The following ANKRD12 variants were observed in gnomAD, a reference collection of about 807,000 sequenced individuals.
The protein encoded by ANKRD12 is ankyrin repeat domain-containing protein 12.
Under a neutral mutation model 183.4 loss-of-function variants are expected in ANKRD12, and 85 were observed. That is an observed-to-expected ratio of 0.46 (90% confidence interval 0.39 to 0.56). The LOEUF is 0.56. Ranked by LOEUF, ANKRD12 falls within the 20% of genes least tolerant of loss-of-function variation. The pLI is 0.00. For missense variants in ANKRD12, 2,405 were observed against 2,357.1 expected, an observed-to-expected ratio of 1.02 and a Z score of -0.42; for synonymous variants, 914 against 800.2, an observed-to-expected ratio of 1.14 and a Z score of -2.40.
chr18:9,201,582 A>G (rs1197404649), intron 3 of ANKRD12, among the ~76,000 whole-genome samples: 4 of 152,198 alleles, frequency 2.6e-5, no homozygotes, highest in African/African-American at 9.6e-5. Flanking sequence ...CTCCAAAATA[A>G]TTATACCTAG....
At chr18:9,203,184 C>A (rs2035275435) in intron 3 of ANKRD12, among the ~76,000 whole-genome samples, 3 of 152,084 alleles carry the variant, frequency 2.0e-5, no homozygotes. Flanking sequence ...GAAAGTTTTA[C>A]CATTCAGCCC....
intron 2 of ANKRD12, 24 bp downstream of exon 2, chr18:9,182,543 G>T (rs1227710810): frequency 1.4e-6 from 2 of 1,478,220 alleles, no homozygotes; most frequent in Non-Finnish European, 1.8e-6. Context: ...CTAAAGATTT[G>T]TTGACTTTTT....
At position 9,283,982 on chromosome 18, in the gene ANKRD12, C is replaced by A. The variant is rs1304747127; in HGVS notation, c.*2856C>A. The A allele has an allele frequency of 3.9e-5, 6 of 152,146 alleles. No individual in the cohort carries two copies. The highest frequency in any genetic ancestry group is 1.5e-5 in the Non-Finnish European group (1 of 68,020). 9.4% of individuals were successfully genotyped at this position (152,146 alleles called of 1,614,324 possible). A position where few individuals can be genotyped will look rare whatever the true frequency, so the allele number is the denominator to read the frequency against. On this transcript the variant is annotated 3_prime_UTR_variant, in exon 13 of 13. Coordinates refer to ENST00000262126, the MANE Select transcript of ANKRD12 (RefSeq NM_015208.5). ...CCAGACCATCTCAGTAAAGCAAATA[C>A]CACAACAAAGCGAGTCAGGAGGAAT...
chr18:9,201,774 A>G (rs2035183151), intron 3 of ANKRD12, among the ~76,000 whole-genome samples: 1 of 151,636 alleles, frequency 6.6e-6, no homozygotes, highest in African/African-American at 2.4e-5. Flanking sequence ...TTCTTTGAAT[A>G]ATTGTTTCCT....
In ANKRD12 at chr18:9,258,860, G is replaced by A. The variant is rs748043886; in HGVS notation, c.5593G>A (p.Asp1865Asn). Residue 1865 changes from aspartate to asparagine, a missense_variant, in exon 9 of 13, where the codon GAC becomes AAC. Asp to Asn is a conservative substitution (Grantham distance 23). This residue lies in a region of ANKRD12 where 162 missense variants were observed against 272.2 expected (regional missense o/e 0.60). Transcript: ENST00000262126. ...SVIPQAPQYY[D>N]EYVTFNGSYL... ...GATTCCTCAAGCACCTCAGTACTATGACGAATATGTAACATTTAACGGATC... is the reference window on the plus strand; with the variant it reads ...GATTCCTCAAGCACCTCAGTACTATAACGAATATGTAACATTTAACGGATC... 3.7e-6 allele frequency: 6 copies of A among 1,613,604 alleles called. No homozygotes were observed. In the Admixed American group the frequency reaches 1.0e-4, roughly 27 times the overall value.
intron 10 of ANKRD12, among the ~76,000 whole-genome samples, chr18:9,264,114 C>CAT (rs1369057301): frequency 6.6e-6 from 1 of 152,176 alleles, no homozygotes; most frequent in Non-Finnish European, 1.5e-5. Context: ...ATGTAAGTCT[C>CAT]TAATAACTTC....
At chr18:9,141,902 C>T (rs1010091818) in intron 1 of ANKRD12, among the ~76,000 whole-genome samples, 2 of 152,036 alleles carry the variant, frequency 1.3e-5, no homozygotes, top group Non-Finnish European at 2.9e-5. Flanking sequence ...GAATTGTTAA[C>T]CTTTTAAAAT....
At chr18:9,267,173 G>T (rs550765647) in intron 10 of ANKRD12, among the ~76,000 whole-genome samples, 115 of 152,208 alleles carry the variant, frequency 7.6e-4, no homozygotes, top group Admixed American at 2.7e-3. Context: ...TACTAATAAT[G>T]GGAGACGTTA....
chr18:9,263,757 A>T, intron 9 of ANKRD12, 33 bp from the exon 10 acceptor site: 1 of 1,419,488 alleles, frequency 7.0e-7, no homozygotes, highest in Non-Finnish European at 9.4e-7. Flanking sequence ...AATAAAACCT[A>T]ATATTTTAAA....
At position 9,244,145 on chromosome 18, in the gene ANKRD12, A is replaced by G. The variant is rs550400549; in HGVS notation, c.944-10066A>G. Among the ~76,000 whole-genome samples, 6 of 152,346 alleles carry G rather than the reference A, an allele frequency of 3.9e-5. No homozygotes were observed. In the East Asian group the frequency reaches 1.2e-3, roughly 29 times the overall value. ...GCGAAATTCCGTCTCAAAAAAATGA[A>G]TGAATGAAAGTGTCTCTTAACTGAA... On this transcript the variant is annotated intron_variant, in intron 8 of 12. Coordinates refer to ENST00000262126, the MANE Select transcript of ANKRD12 (RefSeq NM_015208.5).
chr18:9,162,444 C>T lies in ANKRD12; in HGVS notation c.-51-19938C>T, dbSNP rs191445644. 1.3e-4 allele frequency among the ~76,000 whole-genome samples: 20 copies of T among 152,258 alleles called. No individual in the cohort carries two copies. In the South Asian group the frequency reaches 2.3e-3, roughly 17 times the overall value. ...GTTTACCACATTTTCTTTATCCAGT[C>T]TATCATTGATGGGCATTGGGGTTGA... On this transcript the variant is annotated intron_variant, in intron 1 of 12. Transcript: ENST00000262126.
intron 3 of ANKRD12, among the ~76,000 whole-genome samples, chr18:9,199,419 T>C (rs181541806): frequency 4.6e-5 from 7 of 152,310 alleles, no homozygotes; most frequent in Non-Finnish European, 8.8e-5. Context: ...TATTAACACA[T>C]GGAAAGATTA....
chr18:9,199,432 A>T (rs1369143522), intron 3 of ANKRD12, among the ~76,000 whole-genome samples: 1 of 152,186 alleles, frequency 6.6e-6, no homozygotes, highest in Non-Finnish European at 1.5e-5. Context: ...AAAGATTAAG[A>T]CTAAGACTTT....
intron 6 of ANKRD12, among the ~76,000 whole-genome samples, chr18:9,214,745 A>C (rs997132064): frequency 3.3e-5 from 5 of 152,150 alleles, no homozygotes; most frequent in Admixed American, 3.3e-4. Flanking sequence ...AAGATGAACG[A>C]ATCCAGCATA....
In ANKRD12 at chr18:9,182,646, G is replaced by A. The variant is rs369978995; in HGVS notation, c.87+127G>A. ...TGCCAGATAAATCCAAACCATTTAT[G>A]CCCTTTAGAAATAAATTGGATTCCT... On this transcript the variant is annotated intron_variant, in intron 2 of 12. Transcript: ENST00000262126. 4 of 488,900 alleles carry A rather than the reference G, an allele frequency of 8.2e-6. No individual in the cohort carries two copies. The East Asian group carries it at 1.5e-4, about 18-fold the overall frequency. The allele number at this position is 488,900 out of a possible 1,614,324, so 30.3% of individuals were successfully genotyped here. A position where few individuals can be genotyped will look rare whatever the true frequency, so the allele number is the denominator to read the frequency against.
In ANKRD12 at chr18:9,266,134, G is replaced by A. The variant is rs568357372; in HGVS notation, c.5763+2246G>A. 1.5e-3 allele frequency among the ~76,000 whole-genome samples: 227 copies of A among 152,308 alleles called. 1 individual carries two copies. The highest frequency in any genetic ancestry group is 5.2e-3 in the African/African-American group (216 of 41,564). Reference sequence around the variant, plus strand: ...GGCTATGTGAAAAGACCAAATCTACGTCTGATTGGTGTACCTGAAAGTGAC... The same window carrying A: ...GGCTATGTGAAAAGACCAAATCTACATCTGATTGGTGTACCTGAAAGTGAC... On this transcript the variant is annotated intron_variant, in intron 10 of 12. Coordinates refer to ENST00000262126, the MANE Select transcript of ANKRD12 (RefSeq NM_015208.5).
At chr18:9,251,801 GAAAA>G (rs2038315549) in intron 8 of ANKRD12, among the ~76,000 whole-genome samples, 1 of 151,726 alleles carries the variant, frequency 6.6e-6, no homozygotes, top group Non-Finnish European at 1.5e-5. Flanking sequence ...TCAAAAAAAA[GAAAA>G]AAGAAAAATG....
At chr18:9,143,812 C>T (rs572001319) in intron 1 of ANKRD12, among the ~76,000 whole-genome samples, 9 of 151,438 alleles carry the variant, frequency 5.9e-5, no homozygotes, top group Admixed American at 3.3e-4. Context: ...CCACCACCAC[C>T]GCCCTCTTTA....
intron 1 of ANKRD12, among the ~76,000 whole-genome samples, chr18:9,149,061 ACTCT>A (rs2078590909): frequency 6.6e-6 from 1 of 151,164 alleles, no homozygotes. Flanking sequence ...CATCCTCAAC[ACTCT>A]ATTTTAGTGT....
Sources: gnomAD v4.1 joint callset for allele counts (sites outside exome capture counted in the v4.1 genomes callset) on GRCh38, gnomAD v4.1.1 for gene constraint, gnomAD v4.1.1 regional missense constraint, MANE v1.5 for transcripts, NCBI Gene and HGNC (gene_info 2026-07-23, HGNC 2026-07-21) for gene names.